UQCC1: variants seen among roughly 807,000 people sequenced by gnomAD.
UQCC1 encodes ubiquinol-cytochrome c reductase complex assembly factor 1.
In UQCC1, 38 loss-of-function variants were observed where a neutral mutation model predicts 48.0. That is an observed-to-expected ratio of 0.79 (90% CI 0.61 to 1.04). UQCC1 has a LOEUF of 1.04. Ranked by LOEUF, UQCC1 falls within the 50% of genes least tolerant of loss-of-function variation. The pLI is 0.00. For missense variants in UQCC1, 368 were observed against 381.8 expected (o/e 0.96, Z 0.30); for synonymous variants, 111 against 129.2 (o/e 0.86, Z 0.95).
chr20:35,318,227 T>C (rs555028862), intron 7 of UQCC1, among the ~76,000 whole-genome samples: 45 of 152,236 alleles, frequency 3.0e-4, no homozygotes, highest in Admixed American at 2.7e-3. Context: ...CCCTCAGAGA[T>C]TACCTAGCTC....
chr20:35,369,323 T>C (rs1328225164), intron 5 of UQCC1, among the ~76,000 whole-genome samples: 1 of 152,246 alleles, frequency 6.6e-6, no homozygotes, highest in East Asian at 1.9e-4. Flanking sequence ...CCATTGACTG[T>C]TGACTGTGAA....
At chr20:35,339,837 GCA>G (rs1459413380) in intron 7 of UQCC1, among the ~76,000 whole-genome samples, 1 of 151,908 alleles carries the variant, frequency 6.6e-6, no homozygotes, top group Non-Finnish European at 1.5e-5. Context: ...TCAGCATTTT[GCA>G]CAATCTTAGA....
At chr20:35,314,588 C>A in intron 8 of UQCC1, 100 bp downstream of exon 8, 1 of 883,214 alleles carries the variant, frequency 1.1e-6, no homozygotes, top group Non-Finnish European at 1.8e-6. Flanking sequence ...ATGGTGGTAG[C>A]CAGTAACAAT....
At chr20:35,307,965 A>G (rs145631875) in intron 8 of UQCC1, among the ~76,000 whole-genome samples, 1 of 152,316 alleles carries the variant, frequency 6.6e-6, no homozygotes, top group Non-Finnish European at 1.5e-5. Context: ...TTCATGAGTC[A>G]AACAAGCCTA....
chr20:35,339,889 A>T (rs1425298402), intron 7 of UQCC1, among the ~76,000 whole-genome samples: 7 of 151,926 alleles, frequency 4.6e-5, no homozygotes, highest in Non-Finnish European at 1.0e-4. Context: ...ATCTCTATCC[A>T]TACATCTACA....
intron 7 of UQCC1, among the ~76,000 whole-genome samples, chr20:35,319,084 G>T (rs79476875): frequency 0.012 from 1,755 of 152,168 alleles, 38 homozygotes; most frequent in African/African-American, 0.038. Context: ...CAAGGAAAAG[G>T]TTCCTTTTAT....
At chr20:35,406,797 A>G (rs921122876) in intron 1 of UQCC1, among the ~76,000 whole-genome samples, 2 of 152,252 alleles carry the variant, frequency 1.3e-5, no homozygotes, top group African/African-American at 2.4e-5. Flanking sequence ...TGGTAGACAT[A>G]TAATGCATAA....
chr20:35,404,496 C>G (rs1357122244), intron 1 of UQCC1, among the ~76,000 whole-genome samples: 1 of 151,734 alleles, frequency 6.6e-6, no homozygotes, highest in Non-Finnish European at 1.5e-5. Context: ...GCTGAGATTG[C>G]GCCAGTGCAC....
At chr20:35,314,575 G>A (rs2061036047) in intron 8 of UQCC1, 113 bp downstream of exon 8, 12 of 755,890 alleles carry the variant, frequency 1.6e-5, no homozygotes, top group South Asian at 6.6e-5. Flanking sequence ...TAAATACTAC[G>A]CCATGGTGGT....
chr20:35,386,965 T>C (rs1377440171), intron 2 of UQCC1, among the ~76,000 whole-genome samples: 1 of 152,056 alleles, frequency 6.6e-6, no homozygotes, highest in Admixed American at 6.6e-5. Context: ...ACCTCAATTT[T>C]TCCTTTGCTT....
chr20:35,348,166 C>A (rs1012007281), intron 6 of UQCC1, among the ~76,000 whole-genome samples: 3 of 152,144 alleles, frequency 2.0e-5, no homozygotes, highest in Admixed American at 2.0e-4. Flanking sequence ...AATAAATGAA[C>A]AAACACCTAT....
chr20:35,353,571 G>T (rs1354760413), intron 6 of UQCC1, among the ~76,000 whole-genome samples: 3 of 151,982 alleles, frequency 2.0e-5, no homozygotes, highest in Non-Finnish European at 2.9e-5. Flanking sequence ...TGGGAGGATT[G>T]CTTGAGGCCA....
intron 4 of UQCC1, among the ~76,000 whole-genome samples, chr20:35,380,956 T>C (rs1211841210): frequency 6.6e-6 from 1 of 152,220 alleles, no homozygotes; most frequent in Non-Finnish European, 1.5e-5. Context: ...CCAAACGTTT[T>C]AGATTTTGAA....
At chr20:35,340,489 C>T (rs1412220998) in intron 7 of UQCC1, among the ~76,000 whole-genome samples, 2 of 152,160 alleles carry the variant, frequency 1.3e-5, no homozygotes, top group Non-Finnish European at 2.9e-5. Context: ...GCCCAAGGGA[C>T]TGTCCTTTAG....
chr20:35,408,437 C>T (rs2062285334), intron 1 of UQCC1, among the ~76,000 whole-genome samples: 1 of 152,100 alleles, frequency 6.6e-6, no homozygotes, highest in Non-Finnish European at 1.5e-5. Context: ...CAAAAACAAA[C>T]AAACAAAAAC....
intron 7 of UQCC1, among the ~76,000 whole-genome samples, chr20:35,335,333 C>G (rs1439672995): frequency 6.6e-6 from 1 of 151,858 alleles, no homozygotes; most frequent in Non-Finnish European, 1.5e-5. Flanking sequence ...TTCACAAAAG[C>G]TAAAAAGTGG....
At chr20:35,333,926 G>C (rs1171093429) in intron 7 of UQCC1, among the ~76,000 whole-genome samples, 1 of 152,166 alleles carries the variant, frequency 6.6e-6, no homozygotes, top group African/African-American at 2.4e-5. Flanking sequence ...CAGTGACCAT[G>C]GAAAGAGCTG....
chr20:35,376,727 G>C (rs1164992207), intron 4 of UQCC1, among the ~76,000 whole-genome samples: 1 of 152,192 alleles, frequency 6.6e-6, no homozygotes, highest in African/African-American at 2.4e-5. Flanking sequence ...CACTTTGAGA[G>C]ACTGAGGTGG....
intron 2 of UQCC1, 29 bp downstream of exon 2, chr20:35,394,059 TTTCA>T: frequency 6.3e-7 from 1 of 1,589,436 alleles, no homozygotes; most frequent in South Asian, 1.1e-5. Context: ...ACACTAAGGT[TTTCA>T]TACTAAGCAA....
Sources: gnomAD v4.1 joint callset for allele counts (sites outside exome capture counted in the v4.1 genomes callset) on GRCh38, gnomAD v4.1.1 for gene constraint, MANE v1.5 for transcripts, NCBI Gene and HGNC (gene_info 2026-07-23, HGNC 2026-07-21) for gene names.